ZSCAN21: variants seen among roughly 807,000 people sequenced by gnomAD.
The protein encoded by ZSCAN21 is zinc finger and SCAN domain containing 21.
Under a neutral mutation model 35.6 loss-of-function variants are expected in ZSCAN21, and 26 were observed. The ratio of observed to expected loss-of-function variants is 0.73; its 90% confidence interval spans 0.54 to 1.01. The LOEUF is 1.01. Among genes scored for constraint, ZSCAN21 ranks in the 50% least tolerant of loss-of-function variants. The pLI is 0.00. For synonymous variants in ZSCAN21, 219 were observed against 219.3 expected (o/e 1.00, Z 0.01); for missense variants, 593 against 587.1 (o/e 1.01, Z -0.10).
chr7:100,054,744 C>T (rs1792012064), intron 1 of ZSCAN21, among the ~76,000 whole-genome samples: 1 of 142,678 alleles, frequency 7.0e-6, no homozygotes, highest in Non-Finnish European at 1.5e-5. Flanking sequence ...GAGGCTGAGG[C>T]AGGAGAATCG....
intron 3 of ZSCAN21, 68 bp from the exon 4 acceptor site, chr7:100,063,720 C>A: frequency 6.8e-7 from 1 of 1,461,700 alleles, no homozygotes; most frequent in Non-Finnish European, 9.2e-7. Flanking sequence ...GGTTCTATCT[C>A]TCTGGTAACA....
chr7:100,053,355 T>C (rs1791955063), intron 1 of ZSCAN21, among the ~76,000 whole-genome samples: 1 of 151,934 alleles, frequency 6.6e-6, no homozygotes, highest in African/African-American at 2.4e-5. Context: ...TGCCAGCAGG[T>C]GCTGCATGAC....
chr7:100,051,404 C>T (rs1295984634), intron 1 of ZSCAN21: 2 of 144,516 alleles, frequency 1.4e-5, no homozygotes, highest in Admixed American at 7.3e-5. Context: ...AGCCATTCTC[C>T]TGCCTCAGCC....
chr7:100,050,177 C>G (rs1791808024), intron 1 of ZSCAN21, among the ~76,000 whole-genome samples: 2 of 152,136 alleles, frequency 1.3e-5, no homozygotes, highest in South Asian at 4.1e-4. Context: ...GCCTTTTTTC[C>G]CTTTCTCTGA....
intron 3 of ZSCAN21, among the ~76,000 whole-genome samples, chr7:100,058,351 A>G (rs1339673064): frequency 1.3e-5 from 2 of 152,154 alleles, no homozygotes; most frequent in Non-Finnish European, 2.9e-5. Flanking sequence ...TTGTGGCTGT[A>G]GGCCCTGCTG....
intron 1 of ZSCAN21, chr7:100,051,615 G>C (rs1327004767): frequency 2.6e-5 from 4 of 151,922 alleles, no homozygotes; most frequent in African/African-American, 4.8e-5. Flanking sequence ...TTTCAGGTAC[G>C]GACTGAGTGT....
intron 1 of ZSCAN21, among the ~76,000 whole-genome samples, chr7:100,053,309 T>C (rs1229536476): frequency 1.3e-5 from 2 of 151,974 alleles, no homozygotes; most frequent in African/African-American, 4.8e-5. Flanking sequence ...GTATCGCACA[T>C]GAATGTTATG....
At position 100,063,981 on chromosome 7, in the gene ZSCAN21, T is replaced by TA. The variant is rs764590812; in HGVS notation, c.787dup (p.Arg263LysfsTer7). ...TTCAAGAGGCAGGCTCCAAGAAAGG[T>TA]AGAGAATCAGTTCCTACTAAACCTA... On this transcript the variant is annotated frameshift_variant, in exon 4 of 4. Coordinates refer to ENST00000292450, the MANE Select transcript of ZSCAN21 (RefSeq NM_145914.3). LOFTEE classifies it high-confidence loss of function. The TA allele has an allele frequency of 6.2e-7, 1 of 1,613,976 alleles. No homozygotes were observed. The highest frequency in any genetic ancestry group is 8.5e-7 in the Non-Finnish European group (1 of 1,179,986).
chr7:100,063,496 G>A (rs1240542955), intron 3 of ZSCAN21, among the ~76,000 whole-genome samples: 1 of 152,172 alleles, frequency 6.6e-6, no homozygotes, highest in East Asian at 1.9e-4. Flanking sequence ...CAGCTACTCT[G>A]GAGGCTGAGG....
In ZSCAN21 at chr7:100,064,935, G is replaced by T. The variant is rs749292009; in HGVS notation, c.*318G>T. On this transcript the variant is annotated 3_prime_UTR_variant, in exon 4 of 4. Coordinates refer to ENST00000292450, the MANE Select transcript of ZSCAN21 (RefSeq NM_145914.3). The stretch of plus-strand genomic sequence containing the variant: ...AGTCTAGTTAAGGAAGAAACATTAA[G>T]ATTGTTTAATTTTTAACATATATTC... 3.1e-6 allele frequency: 5 copies of T among 1,610,576 alleles called. No homozygotes were observed. The highest frequency in any genetic ancestry group is 1.1e-5 in the South Asian group (1 of 90,346).
chr7:100,052,889 G>A (rs1455809432), intron 1 of ZSCAN21, among the ~76,000 whole-genome samples: 2 of 152,066 alleles, frequency 1.3e-5, no homozygotes, highest in Non-Finnish European at 1.5e-5. Flanking sequence ...AGCACTCTGC[G>A]AGGCCGAGGT....
chr7:100,060,631 C>G (rs1792250896), intron 3 of ZSCAN21, among the ~76,000 whole-genome samples: 1 of 151,582 alleles, frequency 6.6e-6, no homozygotes, highest in Non-Finnish European at 1.5e-5. Context: ...CTTCGGGAGG[C>G]TGAGGCAGGC....
intron 3 of ZSCAN21, among the ~76,000 whole-genome samples, chr7:100,059,731 C>CA (rs764967711): frequency 6.7e-6 from 1 of 149,746 alleles, no homozygotes; most frequent in African/African-American, 2.5e-5. Flanking sequence ...TTTAAAAAAA[C>CA]AGAGTTTCGG....
chr7:100,056,829 A>G (rs564066033), intron 1 of ZSCAN21, 82 bp from the exon 2 acceptor site: 16 of 612,184 alleles, frequency 2.6e-5, no homozygotes, highest in Middle Eastern at 4.8e-4. Flanking sequence ...AATTTCCACA[A>G]TTTCTTGTGT....
intron 1 of ZSCAN21, among the ~76,000 whole-genome samples, chr7:100,054,272 C>T (rs985152425): frequency 3.3e-5 from 5 of 150,444 alleles, no homozygotes; most frequent in Non-Finnish European, 7.4e-5. Context: ...TTTTTTGCAA[C>T]GGAGTCTCAC....
chr7:100,054,510 A>G (rs554615981), intron 1 of ZSCAN21, among the ~76,000 whole-genome samples: 393 of 152,168 alleles, frequency 2.6e-3, no homozygotes, highest in African/African-American at 9.1e-3. Context: ...TCGGTCTCCC[A>G]AAGTGCTGGG....
chr7:100,053,983 C>T (rs888585371), intron 1 of ZSCAN21, among the ~76,000 whole-genome samples: 6 of 152,014 alleles, frequency 3.9e-5, no homozygotes, highest in South Asian at 2.1e-4. Context: ...GCTGGGATTA[C>T]GGCCGTTAGC....
At chr7:100,061,714 C>T (rs188519959) in intron 3 of ZSCAN21, among the ~76,000 whole-genome samples, 1 of 152,274 alleles carries the variant, frequency 6.6e-6, no homozygotes, top group East Asian at 1.9e-4. Flanking sequence ...CTGATAGTCA[C>T]TGTCAGCAAA....
intron 2 of ZSCAN21, 117 bp downstream of exon 2, chr7:100,057,522 C>A: frequency 7.1e-7 from 1 of 1,404,396 alleles, no homozygotes; most frequent in Non-Finnish European, 9.5e-7. Context: ...TGAATTAGAC[C>A]TTGTTTCCTC....
Sources: gnomAD v4.1 joint callset for allele counts (sites outside exome capture counted in the v4.1 genomes callset) on GRCh38, gnomAD v4.1.1 for gene constraint, MANE v1.5 for transcripts, NCBI Gene and HGNC (gene_info 2026-07-23, HGNC 2026-07-21) for gene names.